The following DGKI variants were observed in gnomAD, a reference collection of about 807,000 sequenced individuals.
The protein encoded by DGKI is DAG kinase iota.
DGKI carries 55 observed loss-of-function variants against 147.5 expected under a neutral mutation model. The observed-to-expected ratio is 0.37, with a 90% CI of 0.30 to 0.47. The LOEUF is 0.47. DGKI is among the 20% of genes least tolerant of loss of function. The probability of loss-of-function intolerance (pLI) is 1.00; values close to 1 mark genes in which losing one functional copy is unlikely to be tolerated. For missense variants in DGKI, 1,007 were observed against 1,323.8 expected (o/e 0.76, Z 3.71); for synonymous variants, 469 against 477.1 (o/e 0.98, Z 0.22).
chr7:137,839,439 A>C (rs1348630097), intron 1 of DGKI, among the ~76,000 whole-genome samples: 4 of 152,356 alleles, frequency 2.6e-5, no homozygotes, highest in African/African-American at 7.2e-5. Flanking sequence ...TCTGTTCCTT[A>C]ACTGGACTTG....
At chr7:137,439,610 G>A (rs1813416114) in intron 28 of DGKI, among the ~76,000 whole-genome samples, 1 of 152,138 alleles carries the variant, frequency 6.6e-6, no homozygotes, top group Non-Finnish European at 1.5e-5. Context: ...ACAATTCAAG[G>A]TGAGATTTAG....
At chr7:137,724,208 G>A (rs893768003) in intron 1 of DGKI, among the ~76,000 whole-genome samples, 1 of 152,196 alleles carries the variant, frequency 6.6e-6, no homozygotes, top group African/African-American at 2.4e-5. Flanking sequence ...ACCTCAGCAA[G>A]CGAGGGAGGA....
chr7:137,541,513 T>C (rs1398350646), intron 20 of DGKI, among the ~76,000 whole-genome samples: 4 of 152,228 alleles, frequency 2.6e-5, no homozygotes, highest in African/African-American at 9.6e-5. Flanking sequence ...ATAGGTTATA[T>C]GCAAATACCC....
chr7:137,824,101 A>T (rs1209437120), intron 1 of DGKI, among the ~76,000 whole-genome samples: 3 of 152,232 alleles, frequency 2.0e-5, no homozygotes, highest in Non-Finnish European at 2.9e-5. Flanking sequence ...GTTAAAAAAA[A>T]TTACCAAACA....
intron 19 of DGKI, among the ~76,000 whole-genome samples, chr7:137,553,144 A>G (rs1352365726): frequency 1.3e-5 from 2 of 152,234 alleles, no homozygotes; most frequent in African/African-American, 2.4e-5. Context: ...AAATTTAAGC[A>G]TGTTAGTTTA....
intron 1 of DGKI, among the ~76,000 whole-genome samples, chr7:137,704,791 G>A (rs1033334748): frequency 2.6e-5 from 4 of 152,136 alleles, no homozygotes; most frequent in Non-Finnish European, 5.9e-5. Context: ...ATCATCACAT[G>A]CAAGGCATCC....
At chr7:137,519,755 A>G (rs1283984069) in intron 21 of DGKI, among the ~76,000 whole-genome samples, 3 of 152,064 alleles carry the variant, frequency 2.0e-5, no homozygotes, top group Non-Finnish European at 4.4e-5. Context: ...GTGAATCCAG[A>G]ACCTCAAAGG....
rs1176784441 is a variant in DGKI at position 137,846,415 on chromosome 7, C to A, written c.401+47G>T. The A allele has an allele frequency of 2.2e-5, 32 of 1,454,322 alleles. No homozygotes were observed. In the Middle Eastern group the frequency reaches 5.5e-4, roughly 25 times the overall value. The allele number at this position is 1,454,322 out of a possible 1,614,324, so 90.1% of individuals were successfully genotyped here. ...CCCCTTGCTGGGTAGAAGAGTGGGT[C>A]TCCCGCCGCGGCGCACCTGTCTCGG... On this transcript the variant is annotated intron_variant, in intron 1 of 32. Transcript: ENST00000614521. The surrounding 1 kb of genome is among the most constrained non-coding windows in gnomAD (Gnocchi z 4.0).
Position 137,485,351 on chromosome 7 carries a change from AAGG to A in DGKI, c.2373+20_2373+22del, listed in dbSNP as rs767475519. ...TTCATTTGGCCAGAAGGTAAGAAAC[AAGG>A]AGAGTCAATTATTTGTTACCTGGTA... On this transcript the variant is annotated intron_variant, in intron 23 of 32. Transcript: ENST00000614521. 45 of 1,591,758 alleles carry A rather than the reference AAGG, an allele frequency of 2.8e-5. No individual in the cohort carries two copies. The highest frequency in any genetic ancestry group is 2.7e-4 in the African/African-American group (20 of 74,144).
At chr7:137,664,874 G>C (rs1156422599) in intron 3 of DGKI, among the ~76,000 whole-genome samples, 1 of 152,158 alleles carries the variant, frequency 6.6e-6, no homozygotes, top group Non-Finnish European at 1.5e-5. Flanking sequence ...AGGGAGATAA[G>C]AAACATCAAG....
At chr7:137,485,754 A>T (rs1216811885) in intron 22 of DGKI, among the ~76,000 whole-genome samples, 1 of 152,116 alleles carries the variant, frequency 6.6e-6, no homozygotes, top group African/African-American at 2.4e-5. Flanking sequence ...ATTATATTTA[A>T]TGTGCATATA....
At chr7:137,767,471 G>GAAGAGAAGAGAAGA (rs1796046296) in intron 1 of DGKI, among the ~76,000 whole-genome samples, 3 of 89,616 alleles carry the variant, frequency 3.3e-5, no homozygotes, top group African/African-American at 1.5e-4. Context: ...AGAAGAGAAG[G>GAAGAGAAGAGAAGA]GAAGAGAAGA....
At chr7:137,431,809 C>T (rs570457313) in intron 28 of DGKI, among the ~76,000 whole-genome samples, 54 of 152,330 alleles carry the variant, frequency 3.5e-4, no homozygotes, top group African/African-American at 1.3e-3. Context: ...ATGCAAGTGA[C>T]TCCAAACCAT....
chr7:137,507,916 A>G (rs890584981), intron 21 of DGKI, among the ~76,000 whole-genome samples: 1 of 152,204 alleles, frequency 6.6e-6, no homozygotes, highest in African/African-American at 2.4e-5. Context: ...GTGGTTTGAC[A>G]AAAGGAACAA....
At chr7:137,663,751 G>C (rs1257083357) in intron 3 of DGKI, among the ~76,000 whole-genome samples, 1 of 152,150 alleles carries the variant, frequency 6.6e-6, no homozygotes, top group East Asian at 1.9e-4. Flanking sequence ...AAGCCATGGG[G>C]TTCAAAATTA....
intron 23 of DGKI, among the ~76,000 whole-genome samples, chr7:137,470,039 C>T (rs559586019): frequency 3.0e-4 from 45 of 152,194 alleles, no homozygotes; most frequent in African/African-American, 9.2e-4. Context: ...ACGGGACATA[C>T]GGTACGTGAG....
At chr7:137,485,528 G>T in intron 22 of DGKI, 110 bp from the exon 23 acceptor site, 1 of 816,030 alleles carries the variant, frequency 1.2e-6, no homozygotes, top group East Asian at 2.7e-5. Context: ...TGCTCATCTG[G>T]AAAGTATCGA....
intron 1 of DGKI, among the ~76,000 whole-genome samples, chr7:137,793,699 C>T (rs1244637432): frequency 6.6e-6 from 1 of 152,166 alleles, no homozygotes; most frequent in African/African-American, 2.4e-5. Flanking sequence ...TAATGTTTAC[C>T]ATATTTCTTC....
intron 6 of DGKI, among the ~76,000 whole-genome samples, chr7:137,642,218 G>A (rs569664380): frequency 6.6e-6 from 1 of 152,230 alleles, no homozygotes; most frequent in South Asian, 2.1e-4. Context: ...ACAATCCCTT[G>A]TGCTATGGTT....
Sources: gnomAD v4.1 joint callset for allele counts (sites outside exome capture counted in the v4.1 genomes callset) on GRCh38, gnomAD v4.1.1 for gene constraint, Gnocchi (gnomAD v3.1) non-coding constraint, MANE v1.5 for transcripts, NCBI Gene and HGNC (gene_info 2026-07-23, HGNC 2026-07-21) for gene names.